FANCD2: variants seen among roughly 807,000 people sequenced by gnomAD.
FANCD2 encodes the protein Fanconi anemia group D2 protein.
In FANCD2, 131 loss-of-function variants were observed where a neutral mutation model predicts 192.3. That is an observed-to-expected ratio of 0.68 (90% CI 0.59 to 0.79). The LOEUF (loss-of-function observed/expected upper bound fraction) is 0.79. FANCD2 is among the 30% of genes least tolerant of loss of function. The probability of loss-of-function intolerance (pLI) is 0.00; values close to 1 mark genes in which losing one functional copy is unlikely to be tolerated. For synonymous variants in FANCD2, 524 were observed against 612.5 expected (o/e 0.86, Z 2.13); for missense variants, 1,508 against 1,701.6 (o/e 0.89, Z 2.00).
rs527814804 is a variant in FANCD2, at chr3:10,031,269, C to T, written c.65-1563C>T. Among the ~76,000 whole-genome samples, 11 of 152,162 alleles carry T rather than the reference C, an allele frequency of 7.2e-5. No individual in the cohort carries two copies. The East Asian group carries it at 7.7e-4, about 11-fold the overall frequency. The stretch of plus-strand genomic sequence containing the variant: ...CTGTAATCCCAGCACTTTGGGTGGC[C>T]AAGGCGGGCAGATCACGAGGTCAGG... On this transcript the variant is annotated intron_variant, in intron 2 of 43. Coordinates refer to ENST00000675286, the MANE Select transcript of FANCD2 (RefSeq NM_001018115.3).
intron 5 of FANCD2, 88 bp from the exon 6 acceptor site, chr3:10,035,085 G>A: frequency 1.8e-6 from 2 of 1,108,064 alleles, no homozygotes; most frequent in Non-Finnish European, 2.7e-6. Context: ...TAAATATTAT[G>A]TATTTAACCA....
chr3:10,098,871 T>A (rs754863896), intron 43 of FANCD2, 56 bp downstream of exon 43: 16 of 1,614,080 alleles, frequency 9.9e-6, no homozygotes, highest in Non-Finnish European at 8.5e-6. Context: ...TTGTTAATTG[T>A]TCTAAGTTGG....
At chr3:10,038,152 A>G (rs1310501560) in intron 7 of FANCD2, among the ~76,000 whole-genome samples, 1 of 151,992 alleles carries the variant, frequency 6.6e-6, no homozygotes, top group Non-Finnish European at 1.5e-5. Context: ...CACCACACCC[A>G]GCTAATTTTT....
rs755725087 is a variant in FANCD2 at position 10,088,553 on chromosome 3, T to C, written c.3560+11T>C. The C allele has an allele frequency of 4.8e-5, 75 of 1,570,988 alleles. 1 individual carries two copies. In the South Asian group the frequency reaches 8.2e-4, roughly 17 times the overall value. On this transcript the variant is annotated intron_variant, in intron 35 of 43. Transcript: ENST00000675286. ...CCATGCTCTGCTCTGGTGAGATGTTTGGTTTCTTCCAATGAGCCAAATAGC... is the reference window on the plus strand; with the variant it reads ...CCATGCTCTGCTCTGGTGAGATGTTCGGTTTCTTCCAATGAGCCAAATAGC...
At chr3:10,033,365 C>T (rs1262817902) in intron 3 of FANCD2, among the ~76,000 whole-genome samples, 1 of 152,056 alleles carries the variant, frequency 6.6e-6, no homozygotes, top group African/African-American at 2.4e-5. Context: ...CGCACCACTG[C>T]ACTCCAGCCT....
intron 18 of FANCD2, among the ~76,000 whole-genome samples, chr3:10,059,213 C>G (rs2087494556): frequency 6.6e-6 from 1 of 152,108 alleles, no homozygotes; most frequent in East Asian, 1.9e-4. Flanking sequence ...GAGGTTTTGC[C>G]ATGTTACCCA....
intron 2 of FANCD2, chr3:10,032,336 A>C (rs1219697534): frequency 4.8e-6 from 2 of 416,544 alleles, no homozygotes; most frequent in Non-Finnish European, 9.4e-6. Context: ...GCTGGAGTGC[A>C]GTGGTAATAT....
chr3:10,079,237 C>T (rs181180219), intron 30 of FANCD2, among the ~76,000 whole-genome samples: 1 of 151,180 alleles, frequency 6.6e-6, no homozygotes, highest in African/African-American at 2.4e-5. Flanking sequence ...GAACAAGACT[C>T]TGTCTCAGAA....
chr3:10,061,619 A>G (rs1281643619), intron 19 of FANCD2, among the ~76,000 whole-genome samples: 1 of 152,218 alleles, frequency 6.6e-6, no homozygotes, highest in South Asian at 2.1e-4. Context: ...TGTTTAGTAC[A>G]TAATATGCAC....
chr3:10,087,860 GC>G (rs1352459031), intron 34 of FANCD2, among the ~76,000 whole-genome samples: 4 of 151,962 alleles, frequency 2.6e-5, no homozygotes, highest in African/African-American at 9.7e-5. Context: ...TGTTGGTCAG[GC>G]TGGTCTCGAA....
chr3:10,027,607 A>T (rs922169755), intron 1 of FANCD2, among the ~76,000 whole-genome samples: 2 of 152,134 alleles, frequency 1.3e-5, no homozygotes, highest in African/African-American at 2.4e-5. Context: ...GTCCCTGCCT[A>T]AAAATCACTT....
chr3:10,083,336 ACTT>A (rs1693962579), intron 32 of FANCD2, among the ~76,000 whole-genome samples: 1 of 152,252 alleles, frequency 6.6e-6, no homozygotes, highest in Non-Finnish European at 1.5e-5. Flanking sequence ...GATGTTTATT[ACTT>A]CTTAAGGAAA....
At chr3:10,067,415 C>CA (rs2087751706) in intron 26 of FANCD2, 98 bp downstream of exon 26, 5 of 739,254 alleles carry the variant, frequency 6.8e-6, no homozygotes, top group Admixed American at 2.2e-5. Context: ...AAAGACACAT[C>CA]AAAAAAAGAA....
At chr3:10,076,901 A>G (rs1016856575) in intron 29 of FANCD2, among the ~76,000 whole-genome samples, 1 of 152,050 alleles carries the variant, frequency 6.6e-6, no homozygotes, top group Admixed American at 6.6e-5. Flanking sequence ...ACAGGTGCCC[A>G]CCACCACATC....
At chr3:10,039,616 A>G (rs1202371381) in intron 8 of FANCD2, 105 bp from the exon 9 acceptor site, 5 of 1,277,486 alleles carry the variant, frequency 3.9e-6, no homozygotes, top group Non-Finnish European at 5.6e-6. Context: ...GAGATAAATG[A>G]CTGTGTTTAT....
intron 34 of FANCD2, 49 bp downstream of exon 34, chr3:10,087,313 T>C (rs2125073473): frequency 2.0e-6 from 3 of 1,511,044 alleles, no homozygotes; most frequent in Non-Finnish European, 2.7e-6. Flanking sequence ...TGAATAGGAC[T>C]AATATCTCAC....
chr3:10,090,249 A>G (rs2125081164), intron 36 of FANCD2, 43 bp from the exon 37 acceptor site: 5 of 1,408,626 alleles, frequency 3.5e-6, no homozygotes, highest in Non-Finnish European at 5.0e-6. Context: ...AGTTCTAAGC[A>G]GTGCATCATG....
At chr3:10,064,980 C>T in intron 23 of FANCD2, 105 bp downstream of exon 23, 3 of 1,246,932 alleles carry the variant, frequency 2.4e-6, no homozygotes, top group Non-Finnish European at 2.4e-6. Flanking sequence ...TCTCTCGAGA[C>T]AAATGGTATT....
In FANCD2 at chr3:10,039,752, G is replaced by T. The variant is rs1460169174; in HGVS notation, c.602G>T (p.Ser201Ile). The change falls in exon 9 of 44, where the codon AGT becomes ATT. Residue 201 changes from serine (S) to isoleucine (I), a missense_variant. By Grantham distance (142) the Ser-to-Ile change is moderately radical. Transcript: ENST00000675286. The stretch of plus-strand genomic sequence containing the variant: ...ACCACCAAGATCATGCAGCTGATCA[G>T]TATTGCTCCAGAGAACCTGCAGCAT... ...DLTTKIMQLI[S>I]IAPENLQHDI... 3 of 1,613,926 alleles carry T rather than the reference G, an allele frequency of 1.9e-6. No individual in the cohort carries two copies. Among genetic ancestry groups the T allele is most frequent in the Non-Finnish European group, 2.5e-6 (3 of 1,180,010 alleles).
Sources: allele counts gnomAD v4.1 joint callset (sites outside exome capture counted in the v4.1 genomes callset), GRCh38; gene constraint gnomAD v4.1.1; transcripts MANE v1.5; gene names NCBI Gene and HGNC (gene_info 2026-07-23, HGNC 2026-07-21).